The following AGBL1 variants were observed in gnomAD, a reference collection of about 807,000 sequenced individuals.
AGBL1 encodes the protein cytosolic carboxypeptidase 4.
In AGBL1, 130 loss-of-function variants were observed where a neutral mutation model predicts 118.9. That is an observed-to-expected ratio of 1.09 (90% CI 0.95 to 1.26). The LOEUF (loss-of-function observed/expected upper bound fraction) is 1.26. Ranked by LOEUF, AGBL1 falls within the 50% of genes most tolerant of loss-of-function variation. The probability of loss-of-function intolerance (pLI) is 0.00; values close to 1 mark genes in which losing one functional copy is unlikely to be tolerated. For missense variants in AGBL1, 1,584 were observed against 1,298.1 expected, an observed-to-expected ratio of 1.22 and a Z score of -3.38; for synonymous variants, 555 against 478.9, an observed-to-expected ratio of 1.16 and a Z score of -2.08.
chr15:86,371,858 CGTA>C (rs1480979168), intron 17 of AGBL1, among the ~76,000 whole-genome samples: 4 of 152,040 alleles, frequency 2.6e-5, no homozygotes, highest in Admixed American at 6.6e-5. Context: ...GCTGTGGTAA[CGTA>C]GTAGAGAGTG....
chr15:86,877,252 A>G (rs1313971518), intron 22 of AGBL1, among the ~76,000 whole-genome samples: 1 of 152,170 alleles, frequency 6.6e-6, no homozygotes, highest in Non-Finnish European at 1.5e-5. Context: ...ACTTACTAAG[A>G]AAACCTGAGT....
chr15:86,615,168 T>G lies in AGBL1; in HGVS notation c.2995-59105T>G, dbSNP rs1403913263. 1.3e-5 allele frequency among the ~76,000 whole-genome samples: 2 copies of G among 152,210 alleles called. No individual in the cohort carries two copies. The highest frequency in any genetic ancestry group is 4.8e-5 in the African/African-American group (2 of 41,450). On this transcript the variant is annotated intron_variant, in intron 21 of 22. Coordinates refer to ENST00000614907, the MANE Select transcript of AGBL1 (RefSeq NM_001386094.1). The surrounding 1 kb of genome is among the most constrained non-coding windows in gnomAD (Gnocchi z 4.3). ...TGAAGAAATCTAAAAATGAGAGTAATTCTAGCAGATTTGCCTTCCAGATGC... is the reference window on the plus strand; with the variant it reads ...TGAAGAAATCTAAAAATGAGAGTAAGTCTAGCAGATTTGCCTTCCAGATGC...
intron 5 of AGBL1, among the ~76,000 whole-genome samples, chr15:86,219,714 G>A (rs1449671704): frequency 1.3e-5 from 2 of 152,026 alleles, no homozygotes; most frequent in African/African-American, 2.4e-5. Flanking sequence ...ATCAAACAGT[G>A]GACTCAAGCT....
intron 18 of AGBL1, among the ~76,000 whole-genome samples, chr15:86,408,219 T>C (rs2081559919): frequency 6.6e-6 from 1 of 152,196 alleles, no homozygotes; most frequent in African/African-American, 2.4e-5. Flanking sequence ...CTGTGGCCTC[T>C]GGGAAATGAA....
At chr15:86,949,807 G>A (rs1447446469) in intron 23 of AGBL1, among the ~76,000 whole-genome samples, 2 of 152,024 alleles carry the variant, frequency 1.3e-5, no homozygotes, top group African/African-American at 2.4e-5. Context: ...CTTTGTATAT[G>A]AACACATATA....
At chr15:86,991,076 C>A (rs760146334) in intron 24 of AGBL1, among the ~76,000 whole-genome samples, 9 of 152,154 alleles carry the variant, frequency 5.9e-5, no homozygotes, top group Admixed American at 2.0e-4. Context: ...GCTCTCTGAT[C>A]CTGAGACCTG....
intron 24 of AGBL1, among the ~76,000 whole-genome samples, chr15:87,015,684 G>T (rs577422615): frequency 6.6e-6 from 1 of 152,238 alleles, no homozygotes; most frequent in Non-Finnish European, 1.5e-5. Flanking sequence ...ATTTCCCATA[G>T]TTGATTATTC....
chr15:86,673,258 G>T (rs1413031636), intron 21 of AGBL1, among the ~76,000 whole-genome samples: 1 of 152,118 alleles, frequency 6.6e-6, no homozygotes, highest in Non-Finnish European at 1.5e-5. Context: ...AGATGCTTAG[G>T]TATGAAGGGG....
chr15:86,190,367 T>C (rs1274225136), intron 5 of AGBL1, among the ~76,000 whole-genome samples: 1 of 152,156 alleles, frequency 6.6e-6, no homozygotes, highest in African/African-American at 2.4e-5. Flanking sequence ...TATTTTGTTG[T>C]TTAAATATTA....
chr15:86,636,760 C>CATATACAT (rs1169454375), intron 21 of AGBL1, among the ~76,000 whole-genome samples: 1 of 27,498 alleles, frequency 3.6e-5, no homozygotes, highest in Non-Finnish European at 6.2e-5. Flanking sequence ...TATATATATA[C>CATATACAT]ACATACATAC....
chr15:87,025,102 T>G (rs2081712281), intron 24 of AGBL1, among the ~76,000 whole-genome samples: 1 of 151,998 alleles, frequency 6.6e-6, no homozygotes, highest in African/African-American at 2.4e-5. Flanking sequence ...CCACTCCTCT[T>G]CAACTTAGTA....
chr15:86,493,194 G>A (rs541178463), intron 18 of AGBL1, among the ~76,000 whole-genome samples: 19 of 151,748 alleles, frequency 1.3e-4, no homozygotes, highest in African/African-American at 4.6e-4. Flanking sequence ...CTCTGCCTCA[G>A]AAACAAACAA....
intron 22 of AGBL1, among the ~76,000 whole-genome samples, chr15:86,827,491 A>ATACACATATATATATATATG (rs2079043403): frequency 3.4e-5 from 1 of 29,722 alleles, no homozygotes; most frequent in African/African-American, 1.4e-4. Context: ...ATATGTGTGT[A>ATACACATATATATATATATG]TATATATATA....
chr15:86,280,669 G>A (rs2079337639), intron 16 of AGBL1, among the ~76,000 whole-genome samples: 1 of 152,216 alleles, frequency 6.6e-6, no homozygotes, highest in South Asian at 2.1e-4. Context: ...TGAAGGATGA[G>A]CATTTTCATT....
Position 86,914,957 on chromosome 15 carries a change from A to G in AGBL1, c.*7663A>G, listed in dbSNP as rs2080400815. ...GGTTCAAAGTCAAAATCTCCTCCCA[A>G]CAAAATCTCTACCTCCAAATTCCTA... On this transcript the variant is annotated 3_prime_UTR_variant, in exon 23 of 23. Transcript: ENST00000614907. 6.6e-6 allele frequency: 1 copy of G among 152,142 alleles called. No homozygotes were observed. The highest frequency in any genetic ancestry group is 1.5e-5 in the Non-Finnish European group (1 of 68,034). 9.4% of individuals were successfully genotyped at this position (152,142 alleles called of 1,614,324 possible).
intron 22 of AGBL1, among the ~76,000 whole-genome samples, chr15:86,711,162 G>A (rs564991904): frequency 6.6e-6 from 1 of 152,278 alleles, no homozygotes; most frequent in African/African-American, 2.4e-5. Flanking sequence ...TGAGCCGTTG[G>A]TACCTTATAT....
intron 22 of AGBL1, among the ~76,000 whole-genome samples, chr15:86,902,789 C>T (rs2065913866): frequency 1.3e-5 from 2 of 152,082 alleles, no homozygotes; most frequent in South Asian, 4.1e-4. Context: ...ATTGCTTTTC[C>T]CTATGGCATT....
rs1364400352 is a variant in AGBL1, at chr15:86,895,522, C to T, written c.3159-11565C>T. ...TTCTCCATGGGAAGATGTATTTACTCATGCAAAAGAAATAAAGGGATTTTT... is the reference window on the plus strand; with the variant it reads ...TTCTCCATGGGAAGATGTATTTACTTATGCAAAAGAAATAAAGGGATTTTT... On this transcript the variant is annotated intron_variant, in intron 22 of 22. Transcript: ENST00000614907. Among the ~76,000 whole-genome samples, 3 of 151,758 alleles carry T rather than the reference C, an allele frequency of 2.0e-5. No homozygotes were observed. The East Asian group carries it at 5.8e-4, about 29-fold the overall frequency.
At chr15:86,168,891 G>GT (rs2077377488) in intron 5 of AGBL1, among the ~76,000 whole-genome samples, 2 of 152,110 alleles carry the variant, frequency 1.3e-5, no homozygotes, top group Admixed American at 1.3e-4. Flanking sequence ...GAGTTTCTCT[G>GT]TTTTTTATTT....
Sources: allele counts gnomAD v4.1 joint callset (sites outside exome capture counted in the v4.1 genomes callset), GRCh38; gene constraint gnomAD v4.1.1; non-coding constraint Gnocchi (gnomAD v3.1); transcripts MANE v1.5; gene names NCBI Gene and HGNC (gene_info 2026-07-23, HGNC 2026-07-21).